EPC2: variants seen among roughly 807,000 people sequenced by gnomAD.
The protein encoded by EPC2 is enhancer of polycomb homolog 2.
A neutral mutation model predicts 92.1 loss-of-function variants in EPC2; 14 were observed. The ratio of observed to expected loss-of-function variants is 0.15; its 90% CI spans 0.10 to 0.24. The LOEUF (loss-of-function observed/expected upper bound fraction) is 0.24, where lower values mean the gene tolerates loss of function less well. Ranked by LOEUF, EPC2 falls within the 10% of genes least tolerant of loss-of-function variation. EPC2 has a pLI of 1.00. For synonymous variants in EPC2, 340 were observed against 334.7 expected (o/e 1.02, Z -0.17); for missense variants, 755 against 971.5 (o/e 0.78, Z 2.96).
In EPC2 at chr2:148,761,899, T is replaced by C. The variant is rs1683306070; in HGVS notation, c.784T>C (p.Leu262=). The C allele has an allele frequency of 1.3e-6, 2 of 1,598,344 alleles. No homozygotes were observed. Among genetic ancestry groups the C allele is most frequent in the Admixed American group, 1.8e-5 (1 of 56,788 alleles). Residue 262 remains leucine (L), a synonymous_variant, in exon 5 of 14, where the codon TTG becomes CTG. Coordinates refer to ENST00000258484, the MANE Select transcript of EPC2 (RefSeq NM_015630.4). ...KRREKTKREL[L]HLTLEVVEKR... is the part of the protein sequence containing the mutation. The stretch of plus-strand genomic sequence containing the variant: ...AAGAGAGAAAACAAAACGAGAATTA[T>C]TGCACTTAACCTTAGAAGTTGTGGA...
chr2:148,769,657 AT>A (rs1683478428), intron 8 of EPC2, among the ~76,000 whole-genome samples: 1 of 152,188 alleles, frequency 6.6e-6, no homozygotes, highest in South Asian at 2.1e-4. Flanking sequence ...AAACAAAATA[AT>A]AATTTTGTTT....
intron 2 of EPC2, chr2:148,691,640 A>G (rs186131508): frequency 7.1e-6 from 11 of 1,545,572 alleles, no homozygotes; most frequent in East Asian, 4.9e-5. Flanking sequence ...GACACTACCA[A>G]CCGGAGACCA....
At chr2:148,683,955 G>T (rs1038891551) in intron 1 of EPC2, among the ~76,000 whole-genome samples, 1 of 152,154 alleles carries the variant, frequency 6.6e-6, no homozygotes, top group Non-Finnish European at 1.5e-5. Context: ...TTCCATAGAG[G>T]TTGTACTAGT....
At chr2:148,680,471 G>C (rs1230481304) in intron 1 of EPC2, among the ~76,000 whole-genome samples, 7 of 152,140 alleles carry the variant, frequency 4.6e-5, no homozygotes, top group Admixed American at 4.6e-4. Context: ...TTCATGCATT[G>C]TAGCATATTC....
chr2:148,700,473 A>C, intron 2 of EPC2, among the ~76,000 whole-genome samples: 1 of 151,084 alleles, frequency 6.6e-6, no homozygotes, highest in East Asian at 2.0e-4. Flanking sequence ...CGTTGTTGGA[A>C]AGACTCCCCC....
At chr2:148,713,838 A>G (rs1026790134) in intron 2 of EPC2, among the ~76,000 whole-genome samples, 2 of 152,206 alleles carry the variant, frequency 1.3e-5, no homozygotes, top group Non-Finnish European at 2.9e-5. Flanking sequence ...TTGTGTAGGT[A>G]CACTCTGTGA....
At chr2:148,725,594 C>T (rs1046078632) in intron 2 of EPC2, among the ~76,000 whole-genome samples, 2 of 151,978 alleles carry the variant, frequency 1.3e-5, no homozygotes, top group African/African-American at 4.8e-5. Context: ...AATAATTGTC[C>T]GAAAAATGTC....
At chr2:148,733,479 A>ATTTTTTTTTT (rs34219179) in intron 2 of EPC2, among the ~76,000 whole-genome samples, 3 of 26,680 alleles carry the variant, frequency 1.1e-4, no homozygotes, top group Non-Finnish European at 1.4e-4. Flanking sequence ...CTCTCTCTGG[A>ATTTTTTTTTT]TTTTTTTTTT....
At chr2:148,740,331 T>A (rs766515588) in intron 2 of EPC2, among the ~76,000 whole-genome samples, 1 of 151,796 alleles carries the variant, frequency 6.6e-6, no homozygotes, top group African/African-American at 2.4e-5. Flanking sequence ...GAGGAGATAA[T>A]AGAACCTGAG....
chr2:148,771,461 C>T, intron 10 of EPC2, 74 bp downstream of exon 10: 2 of 1,335,718 alleles, frequency 1.5e-6, no homozygotes, highest in Non-Finnish European at 2.1e-6. Flanking sequence ...GGAATTTTAT[C>T]TTAACCTACT....
At chr2:148,652,664 TGAAAA>T (rs139652275) in intron 1 of EPC2, among the ~76,000 whole-genome samples, 3,820 of 152,322 alleles carry the variant, frequency 0.025, 57 homozygotes, top group East Asian at 0.032. Context: ...TATAATTAGA[TGAAAA>T]GAACTAACAA....
At chr2:148,660,106 T>C (rs979154144) in intron 1 of EPC2, among the ~76,000 whole-genome samples, 7 of 152,194 alleles carry the variant, frequency 4.6e-5, no homozygotes, top group Admixed American at 2.6e-4. Flanking sequence ...CTCTGAGATA[T>C]CTCTGTGGTT....
chr2:148,717,646 G>A (rs1328952810), intron 2 of EPC2, among the ~76,000 whole-genome samples: 1 of 152,148 alleles, frequency 6.6e-6, no homozygotes, highest in East Asian at 1.9e-4. Flanking sequence ...ATTTGCTGAG[G>A]AGTGTTTTAC....
At chr2:148,783,503 G>A in intron 11 of EPC2, 94 bp from the exon 12 acceptor site, 1 of 1,201,544 alleles carries the variant, frequency 8.3e-7, no homozygotes, top group East Asian at 2.6e-5. Context: ...TTCAAGGTTA[G>A]AAAGGCAACA....
intron 1 of EPC2, among the ~76,000 whole-genome samples, chr2:148,658,070 C>T (rs1232155036): frequency 2.0e-5 from 3 of 152,114 alleles, no homozygotes; most frequent in South Asian, 2.1e-4. Flanking sequence ...GTTAAGTTCT[C>T]GCTAGACCCT....
rs111386484 is a variant in EPC2, at chr2:148,696,676, G to T, written c.313+6303G>T. Among the ~76,000 whole-genome samples the T allele has an allele frequency of 2.9e-3, 437 of 152,290 alleles. 2 individuals carry two copies. Among genetic ancestry groups the T allele is most frequent in the African/African-American group, 9.5e-3 (393 of 41,564 alleles). ...GGCCTCCCAAAGAAGATACCCTGAG[G>T]TAACTCAGCAGAACTGATTGTGTTA... On this transcript the variant is annotated intron_variant, in intron 2 of 13. Coordinates refer to ENST00000258484, the MANE Select transcript of EPC2 (RefSeq NM_015630.4).
chr2:148,681,135 C>G (rs1681384664), intron 1 of EPC2, among the ~76,000 whole-genome samples: 1 of 152,178 alleles, frequency 6.6e-6, no homozygotes, highest in Non-Finnish European at 1.5e-5. Flanking sequence ...GACACATTGT[C>G]TTGCCCCACA....
chr2:148,692,184 C>T (rs1395785797), intron 2 of EPC2: 3 of 200,058 alleles, frequency 1.5e-5, no homozygotes, highest in African/African-American at 7.1e-5. Flanking sequence ...TCTTCTTTCC[C>T]TTCCTATAGC....
At chr2:148,775,100 A>G (rs1458759060) in intron 10 of EPC2, among the ~76,000 whole-genome samples, 5 of 151,286 alleles carry the variant, frequency 3.3e-5, no homozygotes, top group South Asian at 4.2e-4. Flanking sequence ...AAAAAAAAAA[A>G]AAAAGAAAAG....
Sources: gnomAD v4.1 joint callset for allele counts (sites outside exome capture counted in the v4.1 genomes callset) on GRCh38, gnomAD v4.1.1 for gene constraint, MANE v1.5 for transcripts, NCBI Gene and HGNC (gene_info 2026-07-23, HGNC 2026-07-21) for gene names.